FNIP2: variants seen among roughly 807,000 people sequenced by gnomAD.
FNIP2 encodes folliculin-interacting protein 2.
Under a neutral mutation model 108.7 loss-of-function variants are expected in FNIP2, and 32 were observed. The ratio of observed to expected loss-of-function variants is 0.29; its 90% confidence interval spans 0.22 to 0.40. FNIP2 has a LOEUF of 0.40. Among genes scored for constraint, FNIP2 ranks in the 10% least tolerant of loss-of-function variants. The probability of loss-of-function intolerance (pLI) is 1.00; values close to 1 mark genes in which losing one functional copy is unlikely to be tolerated. For synonymous variants in FNIP2, 480 were observed against 496.7 expected, an observed-to-expected ratio of 0.97 and a Z score of 0.45; for missense variants, 1,202 against 1,381.6, an observed-to-expected ratio of 0.87 and a Z score of 2.06.
intron 14 of FNIP2, among the ~76,000 whole-genome samples, chr4:158,875,932 AATC>A (rs1376892335): frequency 6.6e-6 from 1 of 152,134 alleles, no homozygotes. Context: ...ATAGAACTAA[AATC>A]ATCACACATT....
chr4:158,861,922 T>G (rs1443193841), intron 12 of FNIP2, 146 bp downstream of exon 12: 1 of 971,604 alleles, frequency 1.0e-6, no homozygotes, highest in Non-Finnish European at 1.5e-6. Context: ...GTCCCTGGAT[T>G]CTAATTGTAG....
intron 1 of FNIP2, among the ~76,000 whole-genome samples, chr4:158,814,249 C>A (rs1367241270): frequency 6.6e-6 from 1 of 152,112 alleles, no homozygotes; most frequent in Non-Finnish European, 1.5e-5. Context: ...ATAGTGCAGT[C>A]GAGTTGGATG....
In FNIP2 at chr4:158,830,594, C is replaced by T. The variant is rs535656949; in HGVS notation, c.382-1267C>T. The stretch of plus-strand genomic sequence containing the variant: ...ATCTTTCTCTTTCCGCCTCTGCAAC[C>T]GTGCATAAGTAAGTGTGTATTTGTG... On this transcript the variant is annotated intron_variant, in intron 3 of 16. Transcript: ENST00000264433. 7.4e-4 allele frequency among the ~76,000 whole-genome samples: 112 copies of T among 152,254 alleles called. 1 individual carries two copies. Among genetic ancestry groups the T allele is most frequent in the Non-Finnish European group, 2.6e-4 (18 of 68,016 alleles).
In FNIP2 at chr4:158,769,276, G is replaced by A. The variant is rs1375782894; in HGVS notation, c.64G>A (p.Ala22Thr). The part of the protein sequence containing the change: ...KRGSSGSSAA[A>T]SAQGRAPKEG... ...GGGCAGCAGCGGCAGCTCCGCGGCG[G>A]CGTCTGCCCAGGGCAGGGCTCCTAA... Residue 22 changes from alanine to threonine, a missense_variant, in exon 1 of 17, where the codon GCG becomes ACG. Around this residue, in one of 5 missense-constraint regions of FNIP2, gnomAD observed 173 missense variants for 165.9 expected, o/e 1.04. Coordinates refer to ENST00000264433, the MANE Select transcript of FNIP2 (RefSeq NM_020840.3). 2.0e-5 allele frequency: 31 copies of A among 1,543,884 alleles called. No homozygotes were observed. Among genetic ancestry groups the A allele is most frequent in the Non-Finnish European group, 2.7e-5 (31 of 1,148,988 alleles).
chr4:158,790,580 T>A (rs1442500276), intron 1 of FNIP2, among the ~76,000 whole-genome samples: 3 of 151,790 alleles, frequency 2.0e-5, no homozygotes, highest in Non-Finnish European at 4.4e-5. Context: ...ATTCCATCGC[T>A]CCAAAAAATT....
rs754473464 is a variant in FNIP2, at chr4:158,831,911, C to T, written c.432C>T (p.Gly144=). The change falls in exon 4 of 17, where the codon GGC becomes GGT. Residue 144 remains glycine (G), a synonymous_variant. Transcript: ENST00000264433. ...ACATGTTAGGGGAAATGATGTTTGG[C>T]TCAGTTGCCATGAGTTACAAAGGCT... is the stretch of plus-strand genomic sequence containing the variant. ...DVNMLGEMMF[G]SVAMSYKGST... is the part of the protein sequence containing the mutation. 6.2e-7 allele frequency: 1 copy of T among 1,612,116 alleles called. No homozygotes were observed. Among genetic ancestry groups the T allele is most frequent in the South Asian group, 1.1e-5 (1 of 90,536 alleles).
At chr4:158,895,983 T>C in intron 16 of FNIP2, 118 bp downstream of exon 16, 3 of 695,830 alleles carry the variant, frequency 4.3e-6, no homozygotes, top group East Asian at 5.4e-5. Context: ...CATCAAAGTA[T>C]GTGGAGTCCA....
Position 158,770,155 on chromosome 4 carries a change from G to T in FNIP2, c.107+836G>T, listed in dbSNP as rs577306809. ...CCAAAATCCAGCTGTCAGTGGTAGA[G>T]CCTGTGTTTTGACCCAAGCAGTTTG... On this transcript the variant is annotated intron_variant, in intron 1 of 16. Coordinates refer to ENST00000264433, the MANE Select transcript of FNIP2 (RefSeq NM_020840.3). 1.3e-4 allele frequency among the ~76,000 whole-genome samples: 19 copies of T among 144,204 alleles called. No individual in the cohort carries two copies. In the South Asian group the frequency reaches 3.6e-3, roughly 28 times the overall value. 94.6% of individuals were successfully genotyped at this position (144,204 alleles called of 152,430 possible).
intron 1 of FNIP2, among the ~76,000 whole-genome samples, chr4:158,772,144 C>A (rs35131731): frequency 0.55 from 83,383 of 152,038 alleles, 23,911 homozygotes; most frequent in East Asian, 0.89. Context: ...TCACGATTGA[C>A]CAAACTTACA....
At chr4:158,834,923 A>G (rs1311837329) in intron 6 of FNIP2, 1 of 155,612 alleles carries the variant, frequency 6.4e-6, no homozygotes, top group Non-Finnish European at 1.4e-5. Context: ...AGAGTGGGTT[A>G]TAAACAGAGA....
chr4:158,890,850 T>G (rs2126768904), intron 14 of FNIP2, among the ~76,000 whole-genome samples: 1 of 152,312 alleles, frequency 6.6e-6, no homozygotes, highest in East Asian at 1.9e-4. Flanking sequence ...TTTGGTCTTC[T>G]GTGCTGGTAC....
At chr4:158,829,413 T>C (rs568499211) in intron 3 of FNIP2, among the ~76,000 whole-genome samples, 188 bp downstream of exon 3, 1 of 152,300 alleles carries the variant, frequency 6.6e-6, no homozygotes, top group Admixed American at 6.5e-5. Flanking sequence ...CAATAAAAAC[T>C]GTAATCAAGC....
chr4:158,862,942 T>C (rs1364830951), intron 12 of FNIP2, among the ~76,000 whole-genome samples: 1 of 152,216 alleles, frequency 6.6e-6, no homozygotes, highest in Admixed American at 6.5e-5. Context: ...TAGATAAATG[T>C]ATTCATAATT....
At chr4:158,774,853 T>C (rs1775809322) in intron 1 of FNIP2, among the ~76,000 whole-genome samples, 2 of 152,228 alleles carry the variant, frequency 1.3e-5, no homozygotes, top group South Asian at 4.1e-4. Context: ...TTAGATGTTT[T>C]AAAAGCTAAA....
At chr4:158,778,289 A>G (rs1056894385) in intron 1 of FNIP2, among the ~76,000 whole-genome samples, 8 of 152,170 alleles carry the variant, frequency 5.3e-5, no homozygotes, top group Non-Finnish European at 1.2e-4. Context: ...TCTGCTGTCA[A>G]CCTCAGTCTG....
intron 13 of FNIP2, 147 bp downstream of exon 13, chr4:158,869,575 C>T: frequency 1.6e-6 from 2 of 1,215,814 alleles, no homozygotes; most frequent in Non-Finnish European, 2.2e-6. Context: ...ATTATTAATT[C>T]TATACAAACG....
intron 15 of FNIP2, among the ~76,000 whole-genome samples, chr4:158,894,138 A>G (rs1053948231): frequency 5.3e-5 from 8 of 151,776 alleles, no homozygotes; most frequent in African/African-American, 1.9e-4. Context: ...GCATGGTTCA[A>G]TGGAATAATC....
chr4:158,802,827 C>T, intron 1 of FNIP2, among the ~76,000 whole-genome samples: 1 of 152,156 alleles, frequency 6.6e-6, no homozygotes, highest in South Asian at 2.1e-4. Flanking sequence ...GGACTTGTGT[C>T]TTGAGTACCA....
chr4:158,850,795 G>A (rs1363150158), intron 7 of FNIP2, among the ~76,000 whole-genome samples: 1 of 151,528 alleles, frequency 6.6e-6, no homozygotes, highest in Non-Finnish European at 1.5e-5. Flanking sequence ...TATGGCATTA[G>A]TTACCTGGTG....
Sources: allele counts gnomAD v4.1 joint callset (sites outside exome capture counted in the v4.1 genomes callset), GRCh38; gene constraint gnomAD v4.1.1; regional missense constraint gnomAD v4.1.1; transcripts MANE v1.5; gene names NCBI Gene and HGNC (gene_info 2026-07-23, HGNC 2026-07-21).